SYN3: variants seen among roughly 807,000 people sequenced by gnomAD.
SYN3 encodes the protein synapsin III, also known as synapsin-3.
Under a neutral mutation model 65.8 loss-of-function variants are expected in SYN3, and 35 were observed. That is an observed-to-expected ratio of 0.53 (90% confidence interval 0.41 to 0.70). The LOEUF (loss-of-function observed/expected upper bound fraction) is 0.70. SYN3 is among the 30% of genes least tolerant of loss of function. The pLI is 0.00. For synonymous variants in SYN3, 270 were observed against 292.9 expected (o/e 0.92, Z 0.80); for missense variants, 680 against 749.0 (o/e 0.91, Z 1.08).
At chr22:32,900,446 A>C (rs2049725966) in intron 4 of SYN3, among the ~76,000 whole-genome samples, 2 of 152,208 alleles carry the variant, frequency 1.3e-5, no homozygotes, top group Non-Finnish European at 2.9e-5. Context: ...TGTTCATTCA[A>C]TAAACATTTA....
At chr22:32,537,779 A>C (rs922381395) in intron 9 of SYN3, among the ~76,000 whole-genome samples, 5 of 152,142 alleles carry the variant, frequency 3.3e-5, no homozygotes, top group Non-Finnish European at 7.4e-5. Context: ...CTCTGTCATC[A>C]ACTAGCTCTG....
intron 6 of SYN3, among the ~76,000 whole-genome samples, chr22:32,736,847 A>G (rs552156327): frequency 1.0e-3 from 158 of 152,292 alleles, no homozygotes; most frequent in African/African-American, 3.7e-3. Context: ...AAACGGGCCT[A>G]AAGACCCCAC....
intron 6 of SYN3, among the ~76,000 whole-genome samples, chr22:32,603,522 C>T (rs1279739687): frequency 1.9e-4 from 26 of 135,520 alleles, no homozygotes; most frequent in South Asian, 4.6e-4. Context: ...TCCGAGACTC[C>T]GTCTCAAAAA....
intron 6 of SYN3, among the ~76,000 whole-genome samples, chr22:32,771,865 T>C (rs2899194): frequency 0.78 from 119,306 of 152,158 alleles, 47,624 homozygotes; most frequent in African/African-American, 0.94. Context: ...CAGAAACGAA[T>C]CTAGATCTCT....
At chr22:32,664,998 T>G (rs2060270628) in intron 6 of SYN3, among the ~76,000 whole-genome samples, 1 of 119,124 alleles carries the variant, frequency 8.4e-6, no homozygotes, top group Non-Finnish European at 1.8e-5. Context: ...ATTCTTTTTT[T>G]TTTTTTTTTT....
intron 5 of SYN3, 81 bp from the exon 6 acceptor site, chr22:32,865,085 G>A: frequency 1.8e-6 from 2 of 1,132,450 alleles, no homozygotes; most frequent in Non-Finnish European, 2.7e-6. Context: ...GAGGCCTCAA[G>A]CATCTGACTG....
chr22:32,765,614 G>T (rs947420911), intron 6 of SYN3, among the ~76,000 whole-genome samples: 3 of 152,142 alleles, frequency 2.0e-5, no homozygotes, highest in Admixed American at 6.5e-5. Context: ...CGCCACAAAC[G>T]GAAACTACTC....
At chr22:32,739,178 G>T (rs574934337) in intron 6 of SYN3, among the ~76,000 whole-genome samples, 8 of 150,856 alleles carry the variant, frequency 5.3e-5, no homozygotes, top group South Asian at 2.1e-4. Flanking sequence ...AATCACAGGG[G>T]GGGGGCGGTT....
intron 7 of SYN3, among the ~76,000 whole-genome samples, chr22:32,569,535 CAA>C (rs1491455749): frequency 0.041 from 3,428 of 84,472 alleles, 91 homozygotes; most frequent in Admixed American, 0.056. Context: ...TAAAATCAAT[CAA>C]TCTCTCTCTC....
chr22:32,841,351 G>C (rs990629068), intron 6 of SYN3, among the ~76,000 whole-genome samples: 7 of 152,298 alleles, frequency 4.6e-5, no homozygotes, highest in East Asian at 1.9e-4. Context: ...TTGCGAGGAG[G>C]GGGAGGAATG....
chr22:32,596,344 G>A (rs564845229), intron 7 of SYN3, among the ~76,000 whole-genome samples: 1 of 152,310 alleles, frequency 6.6e-6, no homozygotes, highest in Non-Finnish European at 1.5e-5. Context: ...CATGGCTGTG[G>A]AGATGATGAC....
At chr22:32,537,632 T>G (rs1208965056) in intron 9 of SYN3, among the ~76,000 whole-genome samples, 5 of 152,100 alleles carry the variant, frequency 3.3e-5, no homozygotes, top group Non-Finnish European at 7.4e-5. Context: ...ATATGCCTGG[T>G]CTCCTAATAA....
At chr22:32,892,339 C>G (rs2049473119) in intron 4 of SYN3, among the ~76,000 whole-genome samples, 1 of 152,106 alleles carries the variant, frequency 6.6e-6, no homozygotes, top group Non-Finnish European at 1.5e-5. Flanking sequence ...TGTGCACAGT[C>G]ATTGTCTTAT....
At chr22:32,915,494 T>C (rs2050163488) in intron 4 of SYN3, among the ~76,000 whole-genome samples, 1 of 152,210 alleles carries the variant, frequency 6.6e-6, no homozygotes, top group South Asian at 2.1e-4. Flanking sequence ...ACCTGTGTTA[T>C]TCTGGGTAGG....
At chr22:32,877,724 C>A (rs146617686) in intron 4 of SYN3, among the ~76,000 whole-genome samples, 1 of 152,190 alleles carries the variant, frequency 6.6e-6, no homozygotes, top group East Asian at 1.9e-4. Flanking sequence ...TCCACCTTGC[C>A]TCGAAGACAC....
chr22:32,941,469 G>A (rs776848024), intron 3 of SYN3, among the ~76,000 whole-genome samples: 7 of 152,134 alleles, frequency 4.6e-5, no homozygotes, highest in Admixed American at 6.5e-5. Context: ...TTCCCGGGCC[G>A]GTTCCAAGAT....
chr22:32,697,884 C>A (rs970022806), intron 6 of SYN3, among the ~76,000 whole-genome samples: 7 of 152,154 alleles, frequency 4.6e-5, no homozygotes, highest in African/African-American at 1.4e-4. Flanking sequence ...AACTTTGATA[C>A]TCTGCCATCA....
At chr22:32,589,717 T>C (rs1433820959) in intron 7 of SYN3, among the ~76,000 whole-genome samples, 2 of 152,274 alleles carry the variant, frequency 1.3e-5, no homozygotes, top group South Asian at 4.1e-4. Context: ...GTAGAATCGG[T>C]CTAATCTATC....
rs556616090 is a variant in SYN3 at position 32,860,565 on chromosome 22, C to T, written c.711+4350G>A. 7 of 152,528 alleles carry T rather than the reference C, an allele frequency of 4.6e-5. No homozygotes were observed. In the East Asian group the frequency reaches 7.8e-4, roughly 17 times the overall value. The allele number at this position is 152,528 out of a possible 1,614,324, so 9.4% of individuals were successfully genotyped here. A position where few individuals can be genotyped will look rare whatever the true frequency, so the allele number is the denominator to read the frequency against. On this transcript the variant is annotated intron_variant, in intron 6 of 13. Coordinates refer to ENST00000358763, the MANE Select transcript of SYN3 (RefSeq NM_003490.4). ...TTCATTTTAATTAAAATTTGAAATT[C>T]TGAACACCGTCAGCACCCTCTCTTC...
Sources: gnomAD v4.1 joint callset for allele counts (sites outside exome capture counted in the v4.1 genomes callset) on GRCh38, gnomAD v4.1.1 for gene constraint, MANE v1.5 for transcripts, NCBI Gene and HGNC (gene_info 2026-07-23, HGNC 2026-07-21) for gene names.